The following TEP1 variants were observed in gnomAD, a reference collection of about 807,000 sequenced individuals.
TEP1 encodes the protein telomerase protein component 1.
TEP1 carries 241 observed loss-of-function variants against 306.3 expected under a neutral mutation model. The observed-to-expected ratio is 0.79, with a 90% CI of 0.71 to 0.88. TEP1 has a LOEUF of 0.88. Ranked by LOEUF, TEP1 falls within the 40% of genes least tolerant of loss-of-function variation. TEP1 has a pLI of 0.00. For missense variants in TEP1, 3,051 were observed against 3,276.1 expected (o/e 0.93, Z 1.68); for synonymous variants, 1,289 against 1,305.5 (o/e 0.99, Z 0.27).
chr14:20,375,661 T>C (rs1885130429), intron 43 of TEP1, 94 bp downstream of exon 43: 12 of 740,102 alleles, frequency 1.6e-5, no homozygotes, highest in Admixed American at 6.6e-5. Context: ...CTATCACTAT[T>C]ATTAATGGGT....
intron 12 of TEP1, among the ~76,000 whole-genome samples, chr14:20,395,154 C>T (rs1430635791): frequency 6.6e-6 from 1 of 152,148 alleles, no homozygotes; most frequent in African/African-American, 2.4e-5. Flanking sequence ...GCAGAGAGGA[C>T]ACCAGCATAC....
In TEP1 at chr14:20,406,379, C is replaced by A; in HGVS notation, c.589G>T (p.Glu197Ter). 13 of 1,614,044 alleles carry A rather than the reference C, an allele frequency of 8.1e-6. No individual in the cohort carries two copies. The highest frequency in any genetic ancestry group is 1.1e-5 in the Non-Finnish European group (13 of 1,179,980). Reference protein sequence around the residue: ...ATLGRWFDSEEKKGAETQMPS... With the variant: ...ATLGRWFDSE ...ATTTGGGTCTCTGCCCCTTTCTTCT[C>A]TTCTGAATCAAACCAACGACCCTGG... The change falls in exon 3 of 55, where the codon GAG becomes TAG. Residue 197 changes from glutamate to a stop codon, truncating the protein, a stop_gained. Transcript: ENST00000262715. LOFTEE classifies it high-confidence loss of function.
intron 45 of TEP1, 30 bp downstream of exon 45, chr14:20,373,648 G>A (rs1265972901): frequency 6.2e-7 from 1 of 1,614,204 alleles, no homozygotes; most frequent in Admixed American, 1.7e-5. Context: ...AGAGACAGCA[G>A]GGAAGGGGAG....
At chr14:20,397,339 G>A (rs775194580) in intron 9 of TEP1, among the ~76,000 whole-genome samples, 4 of 151,918 alleles carry the variant, frequency 2.6e-5, no homozygotes, top group East Asian at 1.9e-4. Flanking sequence ...ATGAAACCCC[G>A]TCTCTACAAA....
chr14:20,404,906 C>A, intron 4 of TEP1, 134 bp from the exon 5 acceptor site: 1 of 1,001,640 alleles, frequency 1.0e-6, no homozygotes. Flanking sequence ...AAATACGAAG[C>A]CCAGGCCACC....
rs144678962 is a variant in TEP1, at chr14:20,390,121, T to C, written c.2335-381A>G. Among the ~76,000 whole-genome samples the C allele has an allele frequency of 4.7e-3, 712 of 152,230 alleles. 6 individuals carry two copies. Among genetic ancestry groups the C allele is most frequent in the African/African-American group, 0.016 (677 of 41,532 alleles). ...GACACACACCAGTACTCCCAGCTAC[T>C]TGGGAGGCTGAGGCAGGAGAATCAC... On this transcript the variant is annotated intron_variant, in intron 15 of 54. Transcript: ENST00000262715.
chr14:20,386,317 T>C (rs1877142853), intron 19 of TEP1, 122 bp from the exon 20 acceptor site: 3 of 1,588,448 alleles, frequency 1.9e-6, no homozygotes, highest in Middle Eastern at 3.4e-4. Flanking sequence ...AGGCTGCTCT[T>C]GTTAGTATCC....
chr14:20,372,948 C>T, intron 48 of TEP1, 63 bp downstream of exon 48: 3 of 1,613,552 alleles, frequency 1.9e-6, no homozygotes, highest in Non-Finnish European at 2.5e-6. Flanking sequence ...CCTCTAACGC[C>T]CAGTAAATAC....
chr14:20,373,657 A>G, intron 45 of TEP1, 21 bp downstream of exon 45: 2 of 1,614,098 alleles, frequency 1.2e-6, no homozygotes, highest in South Asian at 2.2e-5. Flanking sequence ...AGGGAAGGGG[A>G]GGTGGCTGAC....
chr14:20,373,590 A>G lies in TEP1; in HGVS notation c.6605-7T>C. ...TCTGACCCAGGCTGTCCAGCTGATA[A>G]GACACAGAGACTGAGTCAGAAGAAG... On this transcript the variant is annotated splice_polypyrimidine_tract_variant and splice_region_variant and intron_variant, in intron 45 of 54. Transcript: ENST00000262715. 1 of 1,614,234 alleles carries G rather than the reference A, an allele frequency of 6.2e-7. No homozygotes were observed. The highest frequency in any genetic ancestry group is 2.2e-5 in the East Asian group (1 of 44,886).
intron 1 of TEP1, among the ~76,000 whole-genome samples, chr14:20,412,405 G>A (rs1195048741): frequency 6.6e-6 from 1 of 152,160 alleles, no homozygotes; most frequent in Non-Finnish European, 1.5e-5. Flanking sequence ...GCACCCTGGA[G>A]TTTTTGAAAG....
At chr14:20,395,793 GTGC>G in intron 11 of TEP1, 63 bp downstream of exon 11, 1 of 1,553,072 alleles carries the variant, frequency 6.4e-7, no homozygotes, top group Non-Finnish European at 8.8e-7. Flanking sequence ...AAAAATATTG[GTGC>G]TGCTGCTTCA....
intron 1 of TEP1, among the ~76,000 whole-genome samples, chr14:20,409,901 A>G (rs1879502930): frequency 2.0e-5 from 3 of 151,640 alleles, no homozygotes; most frequent in African/African-American, 4.9e-5. Flanking sequence ...GGGCACCTGT[A>G]GTCCCAGCTA....
Position 20,371,199 on chromosome 14 carries a change from ACACT to A in TEP1, c.7317+15_7317+18del, listed in dbSNP as rs772334262. 11 of 1,603,102 alleles carry A rather than the reference ACACT, an allele frequency of 6.9e-6. No individual in the cohort carries two copies. Among genetic ancestry groups the A allele is most frequent in the Non-Finnish European group, 9.4e-6 (11 of 1,169,882 alleles). ...CCTAGACGAATGTTTGCTTTAGCAC[ACACT>A]CAAATAGGACTTACCAAGAAAGAAA... On this transcript the variant is annotated intron_variant, in intron 51 of 54. Transcript: ENST00000262715.
At chr14:20,375,615 C>T (rs1027079127) in intron 43 of TEP1, 140 bp downstream of exon 43, 10 of 592,244 alleles carry the variant, frequency 1.7e-5, no homozygotes, top group Non-Finnish European at 2.7e-5. Flanking sequence ...GAGCTTAGTT[C>T]AATGCCTGGC....
chr14:20,378,952 T>C, intron 36 of TEP1, 29 bp downstream of exon 36: 2 of 1,614,140 alleles, frequency 1.2e-6, no homozygotes, highest in East Asian at 2.2e-5. Context: ...AAGGCCCTCA[T>C]TCCAAGACAA....
intron 14 of TEP1, 34 bp from the exon 15 acceptor site, chr14:20,390,792 A>G (rs1172517307): frequency 6.2e-7 from 1 of 1,613,584 alleles, no homozygotes; most frequent in Non-Finnish European, 8.5e-7. Context: ...ATGTGGTTGC[A>G]CAGTAAGCGA....
chr14:20,384,871 G>T, intron 21 of TEP1, 114 bp downstream of exon 21: 1 of 1,543,906 alleles, frequency 6.5e-7, no homozygotes, highest in Non-Finnish European at 8.8e-7. Flanking sequence ...GGCATGCTGA[G>T]TCCTGTTTCT....
At position 20,395,619 on chromosome 14, in the gene TEP1, A is replaced by G. The variant is rs761151526; in HGVS notation, c.1759T>C (p.Phe587Leu). Reference protein sequence around the residue: ...EAQLRNQALPFPSNITLMRRI... With the variant: ...EAQLRNQALPLPSNITLMRRI... ...CTCATCAGTGTTATATTCGAAGGAA[A>G]GGGCAATGCTGTATGATGACAGGTA... is the stretch of plus-strand genomic sequence containing the variant. Residue 587 changes from phenylalanine (F) to leucine (L), a missense_variant, in exon 12 of 55, where the codon TTT becomes CTT. By Grantham distance (22) the Phe-to-Leu change is conservative (BLOSUM62 0). Around this residue, in one of 3 missense-constraint regions of TEP1, gnomAD observed 1,507 missense variants for 1,550.5 expected, o/e 0.97. Coordinates refer to ENST00000262715, the MANE Select transcript of TEP1 (RefSeq NM_007110.5). The G allele has an allele frequency of 6.3e-7, 1 of 1,595,318 alleles. No individual in the cohort carries two copies.
Sources: allele counts gnomAD v4.1 joint callset (sites outside exome capture counted in the v4.1 genomes callset), GRCh38; gene constraint gnomAD v4.1.1; regional missense constraint gnomAD v4.1.1; transcripts MANE v1.5; gene names NCBI Gene and HGNC (gene_info 2026-07-23, HGNC 2026-07-21).